SUGCT: variants seen among roughly 807,000 people sequenced by gnomAD.
SUGCT encodes the protein succinyl-CoA:glutarate-CoA transferase.
SUGCT carries 41 observed loss-of-function variants against 55.0 expected under a neutral mutation model. The ratio of observed to expected loss-of-function variants is 0.74; its 90% CI spans 0.58 to 0.97. SUGCT has a LOEUF of 0.97. SUGCT is among the 50% of genes least tolerant of loss of function. SUGCT has a pLI of 0.00. For missense variants in SUGCT, 568 were observed against 547.8 expected, an observed-to-expected ratio of 1.04 and a Z score of -0.37; for synonymous variants, 187 against 200.4, an observed-to-expected ratio of 0.93 and a Z score of 0.56.
intron 9 of SUGCT, among the ~76,000 whole-genome samples, chr7:40,338,169 G>A (rs1311880564): frequency 6.6e-6 from 1 of 152,032 alleles, no homozygotes; most frequent in East Asian, 1.9e-4. Context: ...TTTCTCTCTG[G>A]CTGCCCTTAA....
intron 9 of SUGCT, among the ~76,000 whole-genome samples, chr7:40,359,601 A>G (rs1344449452): frequency 2.0e-5 from 3 of 152,180 alleles, no homozygotes; most frequent in Admixed American, 2.0e-4. Context: ...ATAAGAGTAG[A>G]GAAACACCCA....
chr7:40,710,078 C>T (rs185698182), intron 12 of SUGCT, among the ~76,000 whole-genome samples: 71 of 152,248 alleles, frequency 4.7e-4, no homozygotes, highest in African/African-American at 1.5e-3. Flanking sequence ...CAGGGCTGTA[C>T]ATAAACTAGG....
chr7:40,288,154 T>A (rs764853485), intron 8 of SUGCT, among the ~76,000 whole-genome samples: 9 of 152,182 alleles, frequency 5.9e-5, no homozygotes, highest in Non-Finnish European at 1.2e-4. Flanking sequence ...TTTCTTATGA[T>A]GTTTTTGGTG....
At chr7:40,366,858 G>A (rs971703790) in intron 9 of SUGCT, among the ~76,000 whole-genome samples, 11 of 152,238 alleles carry the variant, frequency 7.2e-5, no homozygotes, top group African/African-American at 1.4e-4. Flanking sequence ...TCAGTGTGGC[G>A]ATTCCTCAGG....
At position 40,241,438 on chromosome 7, in the gene SUGCT, G is replaced by A. The variant is rs182719744; in HGVS notation, c.576+3712G>A. Among the ~76,000 whole-genome samples, 946 of 151,676 alleles carry A rather than the reference G, an allele frequency of 6.2e-3. 8 individuals are homozygous for A. Among genetic ancestry groups the A allele is most frequent in the African/African-American group, 0.022 (910 of 41,344 alleles). ...TACTAAAAATACAAAAATTAGCTGG[G>A]CATCGTGGCACATGCATGTAATCCC... On this transcript the variant is annotated intron_variant, in intron 7 of 13. Transcript: ENST00000335693.
intron 9 of SUGCT, among the ~76,000 whole-genome samples, chr7:40,335,913 A>G (rs903788816): frequency 1.1e-4 from 17 of 152,166 alleles, no homozygotes; most frequent in Non-Finnish European, 1.8e-4. Flanking sequence ...TTATTTTGAG[A>G]TACATCCCAT....
chr7:40,299,934 T>A (rs1347803717), intron 8 of SUGCT, among the ~76,000 whole-genome samples: 6 of 152,194 alleles, frequency 3.9e-5, no homozygotes, highest in Non-Finnish European at 8.8e-5. Flanking sequence ...ATTCTTTGAT[T>A]AATTAGAACA....
In SUGCT at chr7:40,143,032, A is replaced by G. The variant is rs137882212; in HGVS notation, c.100+7912A>G. On this transcript the variant is annotated intron_variant, in intron 1 of 13. Coordinates refer to ENST00000335693, the MANE Select transcript of SUGCT (RefSeq NM_001193313.2). ...ATCTGGTATTCCCTGTGGGACTCCA[A>G]TTGCATTTAAATAGATGTGAGAGTC... 2.0e-3 allele frequency among the ~76,000 whole-genome samples: 300 copies of G among 152,280 alleles called. 1 individual carries two copies. The highest frequency in any genetic ancestry group is 6.9e-3 in the African/African-American group (285 of 41,534).
At chr7:40,515,469 G>A (rs562168253) in intron 12 of SUGCT, among the ~76,000 whole-genome samples, 15 of 152,080 alleles carry the variant, frequency 9.9e-5, no homozygotes, top group Non-Finnish European at 2.1e-4. Context: ...ATTGGCAGTC[G>A]CACCCTTCTT....
chr7:40,221,825 A>C (rs1788041292), intron 6 of SUGCT, among the ~76,000 whole-genome samples: 1 of 152,178 alleles, frequency 6.6e-6, no homozygotes, highest in Admixed American at 6.5e-5. Context: ...TGTTAATTGA[A>C]TGTTCATAGT....
At chr7:40,257,493 A>G (rs1790888309) in intron 7 of SUGCT, among the ~76,000 whole-genome samples, 1 of 152,204 alleles carries the variant, frequency 6.6e-6, no homozygotes. Flanking sequence ...TTAAAAAAAA[A>G]GAGAAAGCTT....
chr7:40,329,127 G>C (rs1796169859), intron 9 of SUGCT, among the ~76,000 whole-genome samples: 1 of 152,146 alleles, frequency 6.6e-6, no homozygotes, highest in Non-Finnish European at 1.5e-5. Flanking sequence ...GAGTAGCTGT[G>C]CTTAGCACCA....
intron 7 of SUGCT, among the ~76,000 whole-genome samples, chr7:40,245,997 G>A (rs1403508853): frequency 1.3e-5 from 2 of 151,856 alleles, no homozygotes; most frequent in Non-Finnish European, 2.9e-5. Context: ...ATCACGCTCA[G>A]CTAATTTTTG....
chr7:40,551,767 C>A (rs1441590541), intron 12 of SUGCT, among the ~76,000 whole-genome samples: 1 of 152,166 alleles, frequency 6.6e-6, no homozygotes, highest in Admixed American at 6.5e-5. Context: ...TAAAAATAAT[C>A]TTGAAGACAC....
At chr7:40,233,019 A>T (rs2150864178) in intron 6 of SUGCT, among the ~76,000 whole-genome samples, 1 of 152,258 alleles carries the variant, frequency 6.6e-6, no homozygotes, top group East Asian at 1.9e-4. Context: ...ATTAATGAAT[A>T]ATTTCATTCT....
At chr7:40,360,884 T>C (rs1562712885) in intron 9 of SUGCT, among the ~76,000 whole-genome samples, 2 of 152,124 alleles carry the variant, frequency 1.3e-5, no homozygotes. Context: ...GCAAAGATTG[T>C]GGGCCAGGAG....
chr7:40,342,986 A>T (rs1385198494), intron 9 of SUGCT, among the ~76,000 whole-genome samples: 1 of 152,184 alleles, frequency 6.6e-6, no homozygotes, highest in Admixed American at 6.5e-5. Flanking sequence ...GCTTGAAATA[A>T]ACCTGGTCTT....
chr7:40,870,280 G>A, the SUGCT span, among the ~76,000 whole-genome samples: 1 of 152,188 alleles, frequency 6.6e-6, no homozygotes, highest in East Asian at 1.9e-4. Context: ...ACATAGTCCA[G>A]CATCTCAAGC....
intron 1 of SUGCT, among the ~76,000 whole-genome samples, chr7:40,146,584 T>C (rs917115079): frequency 3.9e-5 from 6 of 152,260 alleles, no homozygotes; most frequent in Admixed American, 2.6e-4. Flanking sequence ...CTCTGGCTAG[T>C]TATCTGCAGC....
Sources: gnomAD v4.1 joint callset for allele counts (sites outside exome capture counted in the v4.1 genomes callset) on GRCh38, gnomAD v4.1.1 for gene constraint, MANE v1.5 for transcripts, NCBI Gene and HGNC (gene_info 2026-07-23, HGNC 2026-07-21) for gene names.